Variants in JAKMIP1 observed in about 807,000 individuals in gnomAD.
JAKMIP1 encodes the protein janus kinase and microtubule interacting protein 1.
Under a neutral mutation model 113.0 loss-of-function variants are expected in JAKMIP1, and 33 were observed. The ratio of observed to expected loss-of-function variants is 0.29; its 90% CI spans 0.22 to 0.39. The LOEUF (loss-of-function observed/expected upper bound fraction) is 0.39. Among genes scored for constraint, JAKMIP1 ranks in the 10% least tolerant of loss-of-function variants. The pLI is 1.00. For synonymous variants in JAKMIP1, 480 were observed against 459.9 expected (o/e 1.04, Z -0.56); for missense variants, 813 against 1,080.5 (o/e 0.75, Z 3.47).
intron 8 of JAKMIP1, among the ~76,000 whole-genome samples, chr4:6,068,727 T>G (rs1467195867): frequency 6.6e-6 from 1 of 152,014 alleles, no homozygotes; most frequent in East Asian, 1.9e-4. Context: ...CTGGCTAATT[T>G]TTGTACATAT....
rs556323510 is a variant in JAKMIP1 at position 6,139,987 on chromosome 4, G to A, written c.-147-26990C>T. Among the ~76,000 whole-genome samples the A allele has an allele frequency of 9.9e-5, 15 of 152,150 alleles. No individual in the cohort carries two copies. The highest frequency in any genetic ancestry group is 3.4e-4 in the African/African-American group (14 of 41,464). Reference sequence around the variant, plus strand: ...CTCAGATGGGGTCAACCCTGCCCACGCCTGGATCTCAGACTTCCAGCCTCC... The same window carrying A: ...CTCAGATGGGGTCAACCCTGCCCACACCTGGATCTCAGACTTCCAGCCTCC... On this transcript the variant is annotated intron_variant, in intron 1 of 20. Transcript: ENST00000409021. This position sits in a 1 kb window ranked among gnomAD's most constrained non-coding sequence, Gnocchi z 5.2.
intron 1 of JAKMIP1, among the ~76,000 whole-genome samples, chr4:6,126,765 G>A (rs1337631191): frequency 3.6e-5 from 5 of 137,636 alleles, no homozygotes; most frequent in East Asian, 2.2e-4. Context: ...CAACACATGC[G>A]CCCCCCCACA....
In JAKMIP1 at chr4:6,042,377, C is replaced by A. The variant is rs1206998703; in HGVS notation, c.2029-150G>T. Reference sequence around the variant, plus strand: ...AGGTCATGGCACACACATGCCTGATCTGTGGATGGCGTGGTTGTGTGTGCA... The same window carrying A: ...AGGTCATGGCACACACATGCCTGATATGTGGATGGCGTGGTTGTGTGTGCA... On this transcript the variant is annotated intron_variant, in intron 16 of 20. Coordinates refer to ENST00000409021, the MANE Select transcript of JAKMIP1 (RefSeq NM_001099433.2). The surrounding 1 kb of genome is among the most constrained non-coding windows in gnomAD (Gnocchi z 5.2). The A allele has an allele frequency of 1.7e-5, 11 of 665,996 alleles. No homozygotes were observed. The highest frequency in any genetic ancestry group is 2.4e-5 in the Non-Finnish European group (9 of 372,096). The allele number at this position is 665,996 out of a possible 1,614,324, so 41.3% of individuals were successfully genotyped here.
chr4:6,148,869 C>T (rs900039309), intron 1 of JAKMIP1, among the ~76,000 whole-genome samples: 9 of 152,214 alleles, frequency 5.9e-5, no homozygotes, highest in African/African-American at 9.6e-5. Context: ...TGGACATCCA[C>T]GCACAGGCAT....
Position 6,173,183 on chromosome 4 carries a change from G to T in JAKMIP1, c.-148+27070C>A, listed in dbSNP as rs1233273643. 6.6e-5 allele frequency among the ~76,000 whole-genome samples: 10 copies of T among 152,152 alleles called. No homozygotes were observed. The East Asian group carries it at 1.9e-3, about 29-fold the overall frequency. On this transcript the variant is annotated intron_variant, in intron 1 of 20. Coordinates refer to ENST00000409021, the MANE Select transcript of JAKMIP1 (RefSeq NM_001099433.2). ...TACAGGGGGTAGAATCTGGAGGGAT[G>T]GAGAGAAAGAAGGTCTGTTAATGTC... is the stretch of plus-strand genomic sequence containing the variant.
intron 5 of JAKMIP1, among the ~76,000 whole-genome samples, chr4:6,084,220 G>A (rs1429652910): frequency 6.6e-6 from 1 of 151,868 alleles, no homozygotes; most frequent in Non-Finnish European, 1.5e-5. Context: ...GGGAGGCTGA[G>A]GCAGGAGAAT....
At position 6,043,006 on chromosome 4, in the gene JAKMIP1, T is replaced by A. The variant is rs73073412; in HGVS notation, c.2029-779A>T. ...CACGGAGGCAGGTGTCATACGTGGA[T>A]GTGCCTCTACGAGGAGCCCCTAAAA... On this transcript the variant is annotated intron_variant, in intron 16 of 20. Coordinates refer to ENST00000409021, the MANE Select transcript of JAKMIP1 (RefSeq NM_001099433.2). Among the ~76,000 whole-genome samples, 1,305 of 152,040 alleles carry A rather than the reference T, an allele frequency of 8.6e-3. 11 individuals carry two copies. The highest frequency in any genetic ancestry group is 0.027 in the African/African-American group (1,120 of 41,450).
intron 12 of JAKMIP1, chr4:6,054,790 G>C (rs1485703927): frequency 6.6e-6 from 3 of 456,750 alleles, no homozygotes; most frequent in South Asian, 4.6e-5. Context: ...TCGCCTGGCA[G>C]CAGCGAGAAG....
intron 11 of JAKMIP1, 98 bp from the exon 12 acceptor site, chr4:6,056,857 C>G: frequency 1.2e-6 from 1 of 824,836 alleles, no homozygotes. Flanking sequence ...TGAAACTGAC[C>G]ATGGAAAGGT....
rs1319295570 is a variant in JAKMIP1 at position 6,040,353 on chromosome 4, T to C, written c.2175+286A>G. 1.3e-5 allele frequency among the ~76,000 whole-genome samples: 2 copies of C among 152,200 alleles called. No homozygotes were observed. The highest frequency in any genetic ancestry group is 2.9e-5 in the Non-Finnish European group (2 of 68,046). The stretch of plus-strand genomic sequence containing the variant: ...CTAAATATTTAAGTAAAATCAAACA[T>C]AAAAGAAATATAGTTTCTTCTCATT... On this transcript the variant is annotated intron_variant, in intron 18 of 20. Coordinates refer to ENST00000409021, the MANE Select transcript of JAKMIP1 (RefSeq NM_001099433.2). This position sits in a 1 kb window ranked among gnomAD's most constrained non-coding sequence, Gnocchi z 5.8.
In JAKMIP1 at chr4:6,093,665, C is replaced by T. The variant is rs867794803; in HGVS notation, c.625-8036G>A. Among the ~76,000 whole-genome samples, 73 of 152,194 alleles carry T rather than the reference C, an allele frequency of 4.8e-4. No homozygotes were observed. The highest frequency in any genetic ancestry group is 1.6e-3 in the African/African-American group (66 of 41,452). On this transcript the variant is annotated intron_variant, in intron 3 of 20. Coordinates refer to ENST00000409021, the MANE Select transcript of JAKMIP1 (RefSeq NM_001099433.2). The surrounding 1 kb of genome is among the most constrained non-coding windows in gnomAD (Gnocchi z 4.6). ...GAAGTTCAGGGTCCTGAACCAGACA[C>T]CTCCTGTATTACAATGAATGATGTC...
intron 1 of JAKMIP1, among the ~76,000 whole-genome samples, chr4:6,145,297 C>T (rs1351114983): frequency 6.6e-6 from 1 of 152,186 alleles, no homozygotes; most frequent in South Asian, 2.1e-4. Flanking sequence ...TTCTCCCCAT[C>T]TGACATATAC....
rs7660366 is a variant in JAKMIP1, at chr4:6,150,140, T to C, written c.-147-37143A>G. 0.032 allele frequency among the ~76,000 whole-genome samples: 4,798 copies of C among 152,224 alleles called. 257 individuals are homozygous for C. The highest frequency in any genetic ancestry group is 0.11 in the African/African-American group (4,520 of 41,502). On this transcript the variant is annotated intron_variant, in intron 1 of 20. Coordinates refer to ENST00000409021, the MANE Select transcript of JAKMIP1 (RefSeq NM_001099433.2). The surrounding 1 kb of genome is among the most constrained non-coding windows in gnomAD (Gnocchi z 4.8). Reference sequence around the variant, plus strand: ...AGTGAATGATACAGGTAGTGCCCCCTTCGGCTACTTCCCCACAGCACAGAA... The same window carrying C: ...AGTGAATGATACAGGTAGTGCCCCCCTCGGCTACTTCCCCACAGCACAGAA...
At position 6,040,267 on chromosome 4, in the gene JAKMIP1, C is replaced by T. The variant is rs899157619; in HGVS notation, c.2175+372G>A. On this transcript the variant is annotated intron_variant, in intron 18 of 20. Coordinates refer to ENST00000409021, the MANE Select transcript of JAKMIP1 (RefSeq NM_001099433.2). This position sits in a 1 kb window ranked among gnomAD's most constrained non-coding sequence, Gnocchi z 5.8. Reference sequence around the variant, plus strand: ...GCTTCATCTAATTGCTTTACCTCTGCGTTCCTTTGTGATCATCTCTTTTTC... The same window carrying T: ...GCTTCATCTAATTGCTTTACCTCTGTGTTCCTTTGTGATCATCTCTTTTTC... Among the ~76,000 whole-genome samples, 6 of 152,160 alleles carry T rather than the reference C, an allele frequency of 3.9e-5. No homozygotes were observed. The highest frequency in any genetic ancestry group is 1.4e-4 in the African/African-American group (6 of 41,444).
At chr4:6,144,233 T>C (rs975272537) in intron 1 of JAKMIP1, among the ~76,000 whole-genome samples, 3 of 152,336 alleles carry the variant, frequency 2.0e-5, no homozygotes, top group Admixed American at 6.5e-5. Flanking sequence ...TTGAACACAG[T>C]AGTATACTAA....
intron 8 of JAKMIP1, among the ~76,000 whole-genome samples, chr4:6,070,346 G>C (rs1202426267): frequency 6.6e-6 from 1 of 152,232 alleles, no homozygotes; most frequent in Non-Finnish European, 1.5e-5. Flanking sequence ...GGACCCGTCT[G>C]CTGCAGAGTC....
chr4:6,191,052 G>A (rs572631029), intron 1 of JAKMIP1, among the ~76,000 whole-genome samples: 1 of 152,354 alleles, frequency 6.6e-6, no homozygotes, highest in South Asian at 2.1e-4. Flanking sequence ...AGGGAGTGCA[G>A]AAAATGAACG....
At chr4:6,083,871 A>C (rs1376767001) in intron 5 of JAKMIP1, among the ~76,000 whole-genome samples, 2 of 152,150 alleles carry the variant, frequency 1.3e-5, no homozygotes, top group Non-Finnish European at 2.9e-5. Flanking sequence ...TGAAATTTCT[A>C]TTTTTACTGG....
intron 3 of JAKMIP1, among the ~76,000 whole-genome samples, chr4:6,096,090 C>A (rs1459491751): frequency 6.6e-6 from 1 of 152,128 alleles, no homozygotes; most frequent in Non-Finnish European, 1.5e-5. Flanking sequence ...GGGGCTGGAG[C>A]GCTCCCGGCC....
Sources: gnomAD v4.1 joint callset for allele counts (sites outside exome capture counted in the v4.1 genomes callset) on GRCh38, gnomAD v4.1.1 for gene constraint, Gnocchi (gnomAD v3.1) non-coding constraint, MANE v1.5 for transcripts, NCBI Gene and HGNC (gene_info 2026-07-23, HGNC 2026-07-21) for gene names.